The following HS6ST3 variants were observed in gnomAD, a reference collection of about 807,000 sequenced individuals.
The protein encoded by HS6ST3 is heparan-sulfate 6-O-sulfotransferase 3.
Under a neutral mutation model 36.7 loss-of-function variants are expected in HS6ST3, and 12 were observed. That is an observed-to-expected ratio of 0.33 (90% CI 0.21 to 0.53). The LOEUF (loss-of-function observed/expected upper bound fraction) is 0.53, where lower values mean the gene tolerates loss of function less well. HS6ST3 is among the 20% of genes least tolerant of loss of function. The pLI is 0.95. For missense variants in HS6ST3, 584 were observed against 640.9 expected (o/e 0.91, Z 0.96); for synonymous variants, 240 against 257.5 (o/e 0.93, Z 0.65).
chr13:96,499,074 G>A (rs1448147382), intron 1 of HS6ST3, among the ~76,000 whole-genome samples: 1 of 150,710 alleles, frequency 6.6e-6, no homozygotes, highest in East Asian at 1.9e-4. Flanking sequence ...TGCCTAGGCT[G>A]GAGTGTAGTG....
chr13:96,368,835 T>C (rs1047400673), intron 1 of HS6ST3, among the ~76,000 whole-genome samples: 2 of 152,188 alleles, frequency 1.3e-5, no homozygotes, highest in Admixed American at 6.5e-5. Context: ...AGAGTGGGAC[T>C]ACGGGAACTG....
In HS6ST3 at chr13:96,582,291, A is replaced by G. The variant is rs72642781; in HGVS notation, c.708-250199A>G. 4.0e-3 allele frequency among the ~76,000 whole-genome samples: 604 copies of G among 152,298 alleles called. 6 individuals are homozygous for G. Among genetic ancestry groups the G allele is most frequent in the Admixed American group, 6.9e-3 (106 of 15,294 alleles). ...ATAATGCTAACAGGGAATTAGAGAGAGGATCTTGGTAATCATGTGAGAAAT... is the reference window on the plus strand; with the variant it reads ...ATAATGCTAACAGGGAATTAGAGAGGGGATCTTGGTAATCATGTGAGAAAT... On this transcript the variant is annotated intron_variant, in intron 1 of 1. Coordinates refer to ENST00000376705, the MANE Select transcript of HS6ST3 (RefSeq NM_153456.4).
chr13:96,283,255 C>A (rs527818544), intron 1 of HS6ST3, among the ~76,000 whole-genome samples: 1 of 152,174 alleles, frequency 6.6e-6, no homozygotes, highest in Non-Finnish European at 1.5e-5. Context: ...TTATCATCCA[C>A]CTGGATTAAA....
chr13:96,541,101 C>G (rs2892824), intron 1 of HS6ST3, among the ~76,000 whole-genome samples: 3 of 152,058 alleles, frequency 2.0e-5, no homozygotes, highest in Admixed American at 2.0e-4. Context: ...GGCGCGATCT[C>G]GGCTCACTGC....
chr13:96,387,290 G>A (rs921249603), intron 1 of HS6ST3, among the ~76,000 whole-genome samples: 6 of 152,114 alleles, frequency 3.9e-5, no homozygotes, highest in Non-Finnish European at 7.3e-5. Context: ...GAACACTGTG[G>A]AAAGATAATC....
At chr13:96,241,988 T>A (rs1312545460) in intron 1 of HS6ST3, among the ~76,000 whole-genome samples, 3 of 151,896 alleles carry the variant, frequency 2.0e-5, no homozygotes, top group Non-Finnish European at 4.4e-5. Context: ...GGTTTCACCG[T>A]GTTAGCCAGG....
At chr13:96,689,397 T>C (rs1476871829) in intron 1 of HS6ST3, among the ~76,000 whole-genome samples, 2 of 152,024 alleles carry the variant, frequency 1.3e-5, no homozygotes, top group Admixed American at 6.6e-5. Context: ...ATTTAAGATA[T>C]TGATCTGTAG....
chr13:96,123,954 A>G (rs979862657), intron 1 of HS6ST3, among the ~76,000 whole-genome samples: 2 of 152,158 alleles, frequency 1.3e-5, no homozygotes, highest in Non-Finnish European at 2.9e-5. Flanking sequence ...ATTATAGAAA[A>G]GGACCACCTG....
chr13:96,683,436 A>G (rs540614963), intron 1 of HS6ST3, among the ~76,000 whole-genome samples: 2 of 152,016 alleles, frequency 1.3e-5, no homozygotes, highest in Non-Finnish European at 2.9e-5. Flanking sequence ...TCTTCTTTTT[A>G]TCGTATGTTT....
chr13:96,394,075 T>C (rs971607674), intron 1 of HS6ST3, among the ~76,000 whole-genome samples: 1 of 152,202 alleles, frequency 6.6e-6, no homozygotes, highest in Non-Finnish European at 1.5e-5. Context: ...AACCAAAATA[T>C]GCTTTTTTCA....
intron 1 of HS6ST3, among the ~76,000 whole-genome samples, chr13:96,729,440 T>G (rs1876087775): frequency 6.6e-6 from 1 of 152,140 alleles, no homozygotes; most frequent in African/African-American, 2.4e-5. Context: ...TTCAGTAATC[T>G]CTTCCAATAG....
At chr13:96,629,987 A>G (rs1004410321) in intron 1 of HS6ST3, among the ~76,000 whole-genome samples, 15 of 152,108 alleles carry the variant, frequency 9.9e-5, no homozygotes, top group African/African-American at 3.4e-4. Context: ...TCATTAATTC[A>G]GGTTCATTAG....
At position 96,178,325 on chromosome 13, in the gene HS6ST3, CCTT is replaced by C. The variant is rs1337587144; in HGVS notation, c.707+86762_707+86764del. Among the ~76,000 whole-genome samples the C allele has an allele frequency of 2.0e-5, 3 of 152,090 alleles. No homozygotes were observed. In the East Asian group the frequency reaches 5.8e-4, roughly 29 times the overall value. On this transcript the variant is annotated intron_variant, in intron 1 of 1. Transcript: ENST00000376705. ...TGGATTTCTTTGGCGATTCAGTGGG[CCTT>C]CTTCTCTGTGATGAGGGCTGACTTT...
intron 1 of HS6ST3, among the ~76,000 whole-genome samples, chr13:96,212,274 G>A (rs1283515334): frequency 1.3e-5 from 2 of 152,286 alleles, no homozygotes; most frequent in East Asian, 3.9e-4. Context: ...TAGGCACATA[G>A]TAGGTACTTA....
At chr13:96,530,049 G>A (rs988475578) in intron 1 of HS6ST3, among the ~76,000 whole-genome samples, 2 of 152,170 alleles carry the variant, frequency 1.3e-5, no homozygotes, top group Non-Finnish European at 2.9e-5. Flanking sequence ...AGTCTCTGAT[G>A]AGCACTGAAT....
intron 1 of HS6ST3, among the ~76,000 whole-genome samples, chr13:96,605,363 G>A (rs1203953402): frequency 1.3e-5 from 2 of 151,982 alleles, no homozygotes; most frequent in Non-Finnish European, 1.5e-5. Context: ...GCCTAAAATA[G>A]GTAAACCATC....
chr13:96,697,240 TGTG>T (rs1057066935), intron 1 of HS6ST3, among the ~76,000 whole-genome samples: 64 of 151,920 alleles, frequency 4.2e-4, no homozygotes, highest in African/African-American at 1.4e-3. Flanking sequence ...AATATATAAA[TGTG>T]TGTGTGTGAA....
chr13:96,221,600 A>G (rs187691853), intron 1 of HS6ST3, among the ~76,000 whole-genome samples: 1 of 152,252 alleles, frequency 6.6e-6, no homozygotes, highest in Non-Finnish European at 1.5e-5. Flanking sequence ...ACTTTAGTCT[A>G]CTGACCAAAC....
intron 1 of HS6ST3, among the ~76,000 whole-genome samples, chr13:96,176,900 A>G (rs2054214903): frequency 6.6e-6 from 1 of 152,204 alleles, no homozygotes; most frequent in African/African-American, 2.4e-5. Flanking sequence ...TCCAGCATCT[A>G]TAAAGAACTT....
Sources: gnomAD v4.1 joint callset for allele counts (sites outside exome capture counted in the v4.1 genomes callset) on GRCh38, gnomAD v4.1.1 for gene constraint, MANE v1.5 for transcripts, NCBI Gene and HGNC (gene_info 2026-07-23, HGNC 2026-07-21) for gene names.